The following CTNND2 variants were observed in gnomAD, a reference collection of about 807,000 sequenced individuals.
CTNND2 encodes the protein catenin delta 2.
In CTNND2, 22 loss-of-function variants were observed where a neutral mutation model predicts 144.4. That is an observed-to-expected ratio of 0.15 (90% confidence interval 0.11 to 0.22). The LOEUF is 0.22. Among genes scored for constraint, CTNND2 ranks in the 10% least tolerant of loss-of-function variants. CTNND2 has a pLI of 1.00. For synonymous variants in CTNND2, 751 were observed against 695.6 expected, an observed-to-expected ratio of 1.08 and a Z score of -1.25; for missense variants, 1,353 against 1,618.8, an observed-to-expected ratio of 0.84 and a Z score of 2.82.
chr5:11,392,311 T>C (rs1473933113), intron 6 of CTNND2, among the ~76,000 whole-genome samples: 2 of 152,194 alleles, frequency 1.3e-5, no homozygotes, highest in Non-Finnish European at 2.9e-5. Context: ...GCCATTTCTG[T>C]GGTCTACCAG....
chr5:11,076,165 A>G (rs1202454212), intron 16 of CTNND2, among the ~76,000 whole-genome samples: 2 of 152,238 alleles, frequency 1.3e-5, no homozygotes, highest in African/African-American at 2.4e-5. Context: ...ATGGAAATCT[A>G]AAACAAGTGA....
chr5:11,419,258 T>C (rs1423902136), intron 3 of CTNND2, among the ~76,000 whole-genome samples: 1 of 152,080 alleles, frequency 6.6e-6, no homozygotes, highest in African/African-American at 2.4e-5. Flanking sequence ...TGACAAAATG[T>C]TAACATTATT....
chr5:11,880,883 CTACTACTACTACCAT>C (rs1337758254), intron 1 of CTNND2, among the ~76,000 whole-genome samples: 4 of 70,022 alleles, frequency 5.7e-5, no homozygotes, highest in African/African-American at 2.1e-4. Flanking sequence ...GCTACTAGTA[CTACTACTACTACCAT>C]TACTACTACT....
intron 2 of CTNND2, among the ~76,000 whole-genome samples, chr5:11,671,220 A>G (rs539019352): frequency 3.3e-5 from 5 of 151,834 alleles, no homozygotes; most frequent in African/African-American, 9.7e-5. Context: ...TTTTTCCTTC[A>G]TTTCAACCTT....
chr5:11,428,261 A>G (rs934492893), intron 3 of CTNND2, among the ~76,000 whole-genome samples: 1 of 152,154 alleles, frequency 6.6e-6, no homozygotes, highest in African/African-American at 2.4e-5. Flanking sequence ...TTTTTTAATT[A>G]ATTTCCAAAA....
At position 11,411,910 on chromosome 5, in the gene CTNND2, A is replaced by C. The variant is rs562686606; in HGVS notation, c.322+125T>G. ...AATTGTGAACTATCATAACAACTTC[A>C]TCTAATTTTACTATCGGGATGTTTT... On this transcript the variant is annotated intron_variant, in intron 4 of 21. Transcript: ENST00000304623. 7.2e-4 allele frequency: 587 copies of C among 818,806 alleles called. 1 individual carries two copies. Among genetic ancestry groups the C allele is most frequent in the South Asian group, 1.1e-3 (69 of 64,388 alleles). The allele number at this position is 818,806 out of a possible 1,614,324, so 50.7% of individuals were successfully genotyped here.
chr5:11,550,890 T>C (rs1775696786), intron 3 of CTNND2, among the ~76,000 whole-genome samples: 1 of 152,208 alleles, frequency 6.6e-6, no homozygotes, highest in Admixed American at 6.5e-5. Context: ...TAAATGTTTT[T>C]TTGAAGTAAG....
intron 7 of CTNND2, among the ~76,000 whole-genome samples, chr5:11,370,963 A>T (rs920060927): frequency 1.3e-5 from 2 of 152,238 alleles, no homozygotes; most frequent in Non-Finnish European, 1.5e-5. Flanking sequence ...GTTTTTAAAA[A>T]CTGTAAGGTC....
intron 1 of CTNND2, among the ~76,000 whole-genome samples, chr5:11,758,995 C>T (rs189557610): frequency 1.3e-5 from 2 of 151,852 alleles, no homozygotes; most frequent in Admixed American, 1.3e-4. Context: ...TATAAGTGCT[C>T]AAAAATATTA....
intron 5 of CTNND2, among the ~76,000 whole-genome samples, chr5:11,407,489 A>G (rs1328765690): frequency 6.6e-6 from 1 of 152,262 alleles, no homozygotes; most frequent in East Asian, 1.9e-4. Context: ...CTTGAGGTCA[A>G]AAAGATGCGT....
intron 3 of CTNND2, among the ~76,000 whole-genome samples, chr5:11,451,496 G>T (rs1016444908): frequency 4.6e-5 from 7 of 152,260 alleles, no homozygotes; most frequent in Admixed American, 4.6e-4. Context: ...TCTAAAATTT[G>T]AAATGATGTT....
intron 12 of CTNND2, among the ~76,000 whole-genome samples, chr5:11,117,775 C>G (rs1164600604): frequency 6.6e-6 from 1 of 152,176 alleles, no homozygotes; most frequent in Non-Finnish European, 1.5e-5. Context: ...TGTAATGCAA[C>G]TCCTGGAATA....
intron 10 of CTNND2, among the ~76,000 whole-genome samples, chr5:11,235,259 A>C (rs1561065603): frequency 6.6e-6 from 1 of 152,228 alleles, no homozygotes; most frequent in South Asian, 2.1e-4. Context: ...GAAAAGTTAT[A>C]GTCTTCAAAA....
chr5:11,902,299 G>T (rs1737968267), intron 1 of CTNND2, among the ~76,000 whole-genome samples: 1 of 152,168 alleles, frequency 6.6e-6, no homozygotes, highest in Non-Finnish European at 1.5e-5. Flanking sequence ...AAAGCATCTA[G>T]TTCGTATTTG....
intron 3 of CTNND2, 68 bp from the exon 4 acceptor site, chr5:11,412,137 A>T: frequency 7.9e-7 from 1 of 1,271,470 alleles, no homozygotes; most frequent in Admixed American, 1.7e-5. Context: ...CTAAAATCTA[A>T]GACACAAAGG....
chr5:11,684,204 C>T (rs1412187544), intron 2 of CTNND2, among the ~76,000 whole-genome samples: 1 of 151,842 alleles, frequency 6.6e-6, no homozygotes, highest in Non-Finnish European at 1.5e-5. Context: ...TGGGTTCATG[C>T]CATTCTCCTG....
At chr5:11,647,698 C>T (rs573358010) in intron 2 of CTNND2, among the ~76,000 whole-genome samples, 5 of 152,242 alleles carry the variant, frequency 3.3e-5, no homozygotes, top group African/African-American at 7.2e-5. Context: ...TAACCATTGG[C>T]GACCTTCTCA....
intron 3 of CTNND2, among the ~76,000 whole-genome samples, chr5:11,521,522 T>A (rs1240605680): frequency 2.6e-5 from 4 of 152,204 alleles, no homozygotes; most frequent in African/African-American, 7.2e-5. Flanking sequence ...ATGTTTGTCA[T>A]CATCATTCTC....
At chr5:11,719,603 G>T (rs1010514408) in intron 2 of CTNND2, among the ~76,000 whole-genome samples, 1 of 152,184 alleles carries the variant, frequency 6.6e-6, no homozygotes, top group Admixed American at 6.5e-5. Flanking sequence ...AAAATAATAT[G>T]CAATATTTAT....
Sources: allele counts gnomAD v4.1 joint callset (sites outside exome capture counted in the v4.1 genomes callset), GRCh38; gene constraint gnomAD v4.1.1; transcripts MANE v1.5; gene names NCBI Gene and HGNC (gene_info 2026-07-23, HGNC 2026-07-21).